The following CDC42BPA variants were observed in gnomAD, a reference collection of about 807,000 sequenced individuals.
CDC42BPA encodes the protein CDC42 binding protein kinase alpha.
CDC42BPA carries 80 observed loss-of-function variants against 223.5 expected under a neutral mutation model. The observed-to-expected ratio is 0.36, with a 90% CI of 0.30 to 0.43. The LOEUF (loss-of-function observed/expected upper bound fraction) is 0.43. CDC42BPA is among the 20% of genes least tolerant of loss of function. The pLI, the probability that CDC42BPA is intolerant of heterozygous loss-of-function variation, is 1.00. For missense variants in CDC42BPA, 1,743 were observed against 2,099.9 expected, an observed-to-expected ratio of 0.83 and a Z score of 3.32; for synonymous variants, 694 against 718.6, an observed-to-expected ratio of 0.97 and a Z score of 0.55.
intron 1 of CDC42BPA, chr1:227,265,044 T>A: frequency 1.3e-6 from 1 of 786,108 alleles, no homozygotes; most frequent in Non-Finnish European, 2.4e-6. Context: ...TTTGGCTTCA[T>A]GGACGCAGCA....
intron 1 of CDC42BPA, among the ~76,000 whole-genome samples, chr1:227,312,556 T>C (rs1353901288): frequency 3.9e-5 from 6 of 152,138 alleles, no homozygotes; most frequent in Non-Finnish European, 8.8e-5. Context: ...AAGCAATACA[T>C]TCCTTTTTTA....
chr1:227,193,997 T>C, intron 4 of CDC42BPA, 63 bp from the exon 5 acceptor site: 2 of 1,154,886 alleles, frequency 1.7e-6, no homozygotes, highest in Non-Finnish European at 2.4e-6. Flanking sequence ...CAATATACTG[T>C]ATCCCAAGGT....
intron 16 of CDC42BPA, among the ~76,000 whole-genome samples, chr1:227,084,826 G>T (rs73093495): frequency 6.6e-6 from 1 of 151,860 alleles, no homozygotes; most frequent in African/African-American, 2.4e-5. Context: ...ATTCTGGGTA[G>T]GTCTGTGAGG....
intron 5 of CDC42BPA, among the ~76,000 whole-genome samples, chr1:227,175,180 C>G (rs982224375): frequency 1.3e-5 from 2 of 151,914 alleles, no homozygotes; most frequent in African/African-American, 2.4e-5. Context: ...CTGATATAAC[C>G]CCTTTTGGAA....
At chr1:227,220,031 C>T (rs1374991411) in intron 2 of CDC42BPA, among the ~76,000 whole-genome samples, 1 of 151,972 alleles carries the variant, frequency 6.6e-6, no homozygotes, top group East Asian at 1.9e-4. Context: ...GCGTCAAGTG[C>T]TCTGACTTGA....
At chr1:227,024,272 A>T (rs1572322396) in intron 31 of CDC42BPA, among the ~76,000 whole-genome samples, 1 of 152,228 alleles carries the variant, frequency 6.6e-6, no homozygotes, top group East Asian at 1.9e-4. Context: ...AACTTCAATG[A>T]AATACTACTT....
intron 35 of CDC42BPA, among the ~76,000 whole-genome samples, chr1:226,997,611 A>G (rs1661902190): frequency 6.6e-6 from 1 of 152,156 alleles, no homozygotes; most frequent in African/African-American, 2.4e-5. Context: ...CCCTCTAAAC[A>G]TTGCTTTAGC....
chr1:227,226,099 C>A (rs1676819664), intron 2 of CDC42BPA, among the ~76,000 whole-genome samples: 1 of 152,180 alleles, frequency 6.6e-6, no homozygotes, highest in South Asian at 2.1e-4. Context: ...GTAATAAACT[C>A]AAATGGATTA....
intron 2 of CDC42BPA, among the ~76,000 whole-genome samples, chr1:227,241,196 AATTAAT>A (rs1035903059): frequency 2.0e-5 from 3 of 152,100 alleles, no homozygotes; most frequent in African/African-American, 4.8e-5. Context: ...GAATGGCTAA[AATTAAT>A]ATTAACAACA....
At chr1:227,221,038 T>C (rs946672204) in intron 2 of CDC42BPA, among the ~76,000 whole-genome samples, 4 of 152,204 alleles carry the variant, frequency 2.6e-5, no homozygotes, top group African/African-American at 4.8e-5. Context: ...TTCAAACACC[T>C]ATTTCAATCT....
At chr1:227,270,098 C>T (rs374088674) in intron 1 of CDC42BPA, among the ~76,000 whole-genome samples, 7 of 152,112 alleles carry the variant, frequency 4.6e-5, no homozygotes, top group East Asian at 1.9e-4. Context: ...TATATCCATA[C>T]AATGAAACAT....
intron 1 of CDC42BPA, among the ~76,000 whole-genome samples, chr1:227,294,859 CAAAAAAAAAAA>C (rs397983087): frequency 1.6e-4 from 2 of 12,818 alleles, no homozygotes; most frequent in Non-Finnish European, 2.4e-4. Flanking sequence ...GACTCCGTCT[CAAAAAAAAAAA>C]AAAAAAAAAA....
At chr1:227,225,155 T>C (rs1676643231) in intron 2 of CDC42BPA, among the ~76,000 whole-genome samples, 1 of 152,174 alleles carries the variant, frequency 6.6e-6, no homozygotes, top group Admixed American at 6.5e-5. Flanking sequence ...AAAAGTTCAT[T>C]ATATTAATGT....
intron 11 of CDC42BPA, among the ~76,000 whole-genome samples, chr1:227,121,795 T>C (rs887746279): frequency 1.4e-5 from 2 of 145,082 alleles, no homozygotes; most frequent in Non-Finnish European, 3.0e-5. Flanking sequence ...AACAATTTCT[T>C]TTTTTTCTTT....
chr1:227,280,805 G>A (rs185005556), intron 1 of CDC42BPA, among the ~76,000 whole-genome samples: 44 of 152,280 alleles, frequency 2.9e-4, no homozygotes, highest in Admixed American at 1.1e-3. Flanking sequence ...AATAGGGATC[G>A]TCTGCAGTAT....
chr1:227,125,965 T>C (rs2149482407), intron 11 of CDC42BPA, among the ~76,000 whole-genome samples: 1 of 152,124 alleles, frequency 6.6e-6, no homozygotes. Flanking sequence ...TGAATGCAGG[T>C]TTAGCTTTCT....
intron 35 of CDC42BPA, among the ~76,000 whole-genome samples, chr1:226,999,066 G>C (rs558640994): frequency 2.0e-4 from 31 of 152,180 alleles, no homozygotes; most frequent in African/African-American, 7.2e-4. Context: ...CTGGTCATTA[G>C]AGAAATGCAA....
At chr1:227,109,538 G>C (rs111577611) in intron 14 of CDC42BPA, among the ~76,000 whole-genome samples, 2 of 151,894 alleles carry the variant, frequency 1.3e-5, no homozygotes, top group African/African-American at 2.4e-5. Context: ...GCTAATTTTT[G>C]TATTTTTAGT....
At chr1:227,185,052 G>A (rs1430119155) in intron 5 of CDC42BPA, among the ~76,000 whole-genome samples, 1 of 151,880 alleles carries the variant, frequency 6.6e-6, no homozygotes, top group Non-Finnish European at 1.5e-5. Context: ...ACATCATACC[G>A]TTCTTAGGTT....
Sources: allele counts gnomAD v4.1 joint callset (sites outside exome capture counted in the v4.1 genomes callset), GRCh38; gene constraint gnomAD v4.1.1; transcripts MANE v1.5; gene names NCBI Gene and HGNC (gene_info 2026-07-23, HGNC 2026-07-21).